Variants in ANKRD52 observed in about 807,000 individuals in gnomAD.
The protein encoded by ANKRD52 is ankyrin repeat domain 52.
A neutral mutation model predicts 116.0 loss-of-function variants in ANKRD52; 7 were observed. That is an observed-to-expected ratio of 0.06 (90% CI 0.03 to 0.11). ANKRD52 has a LOEUF of 0.11. ANKRD52 is among the 10% of genes least tolerant of loss of function. The pLI is 1.00. For missense variants in ANKRD52, 839 were observed against 1,408.6 expected, an observed-to-expected ratio of 0.60 and a Z score of 6.47; for synonymous variants, 528 against 578.1, an observed-to-expected ratio of 0.91 and a Z score of 1.24.
Position 56,257,818 on chromosome 12 carries a change from C to G in ANKRD52, c.111+10G>C. On this transcript the variant is annotated intron_variant, in intron 2 of 27. Transcript: ENST00000267116. Reference sequence around the variant, plus strand: ...TTCCGGTCTCGCCATCCTCCCTGCTCCCAACTCACCAGCACATTGATGTTC... The same window carrying G: ...TTCCGGTCTCGCCATCCTCCCTGCTGCCAACTCACCAGCACATTGATGTTC... 6.2e-7 allele frequency: 1 copy of G among 1,613,436 alleles called. No individual in the cohort carries two copies. The highest frequency in any genetic ancestry group is 8.5e-7 in the Non-Finnish European group (1 of 1,179,678).
At chr12:56,247,346 C>CAA (rs1007977970) in intron 20 of ANKRD52, 147 bp downstream of exon 20, 1,841 of 488,006 alleles carry the variant, frequency 3.8e-3, no homozygotes, top group Non-Finnish European at 3.9e-3. Context: ...GACCCTGTCT[C>CAA]AAAAAAAAAA....
In ANKRD52 at chr12:56,253,791, C is replaced by T. The variant is rs758551567; in HGVS notation, c.916G>A (p.Gly306Arg). 6.2e-7 allele frequency: 1 copy of T among 1,613,894 alleles called. No homozygotes were observed. The highest frequency in any genetic ancestry group is 8.5e-7 in the Non-Finnish European group (1 of 1,179,840). Residue 306 changes from glycine (G) to arginine (R), a missense_variant, in exon 9 of 28, where the codon GGG becomes AGG. Physicochemically the swap from Gly to Arg is moderately radical, Grantham distance 125. Transcript: ENST00000267116. This position sits in a 1 kb window ranked among gnomAD's most constrained non-coding sequence, Gnocchi z 5.5. ...GADVNYQSKE[G>R]KSPLHMAAIH... Reference sequence around the variant, plus strand: ...GCAGCCATGTGCAGAGGACTTTTCCCTTCTTTGCTCTGTGGAAACATGGTG... The same window carrying T: ...GCAGCCATGTGCAGAGGACTTTTCCTTTCTTTGCTCTGTGGAAACATGGTG...
At position 56,248,434 on chromosome 12, in the gene ANKRD52, T is replaced by C; in HGVS notation, c.1776+61A>G. On this transcript the variant is annotated intron_variant, in intron 17 of 27. Coordinates refer to ENST00000267116, the MANE Select transcript of ANKRD52 (RefSeq NM_173595.4). This position sits in a 1 kb window ranked among gnomAD's most constrained non-coding sequence, Gnocchi z 5.1. ...GATAACTTCACAAGTGCTGGCACCT[T>C]TGTTAGGGCCTGGGAACAGGTAGGA... 6.5e-7 allele frequency: 1 copy of C among 1,528,826 alleles called. No individual in the cohort carries two copies. The highest frequency in any genetic ancestry group is 1.4e-5 in the African/African-American group (1 of 72,722). The allele number at this position is 1,528,826 out of a possible 1,614,324, so 94.7% of individuals were successfully genotyped here. A position where few individuals can be genotyped will look rare whatever the true frequency, so the allele number is the denominator to read the frequency against.
intron 4 of ANKRD52, 143 bp from the exon 5 acceptor site, chr12:56,256,127 CT>C: frequency 2.5e-6 from 2 of 784,488 alleles, no homozygotes; most frequent in Non-Finnish European, 4.1e-6. Context: ...TACCTAGCCT[CT>C]GAATACCTAC....
chr12:56,245,595 G>A lies in ANKRD52; in HGVS notation c.2186C>T (p.Ala729Val). The part of the protein sequence containing the change: ...LRGRTALHRG[A>V]VTGCEDCLAA... ...CAGGCAGTCCTCACAGCCAGTCACT[G>A]CCTGTGAGTAACATGGGGGTGTGAG... The change falls in exon 21 of 28, where the codon GCA becomes GTA. Residue 729 changes from alanine to valine, a missense_variant and splice_region_variant. By Grantham distance (64) the Ala-to-Val change is moderately conservative. This residue lies in a region of ANKRD52 where 552 missense variants were observed against 810.6 expected (regional missense o/e 0.68). Coordinates refer to ENST00000267116, the MANE Select transcript of ANKRD52 (RefSeq NM_173595.4). The A allele has an allele frequency of 6.2e-7, 1 of 1,604,546 alleles. No individual in the cohort carries two copies. Among genetic ancestry groups the A allele is most frequent in the Non-Finnish European group, 8.5e-7 (1 of 1,177,780 alleles).
In ANKRD52 at chr12:56,242,942, G is replaced by A. The variant is rs1449435832; in HGVS notation, c.*200C>T. The stretch of plus-strand genomic sequence containing the variant: ...GCCCTGGGGGTACCAAGGGCCTGGG[G>A]TGCTCCCTGTCAGTCCCAGACCCCT... On this transcript the variant is annotated 3_prime_UTR_variant, in exon 28 of 28. Coordinates refer to ENST00000267116, the MANE Select transcript of ANKRD52 (RefSeq NM_173595.4). The surrounding 1 kb of genome is among the most constrained non-coding windows in gnomAD (Gnocchi z 4.3). 3 of 729,228 alleles carry A rather than the reference G, an allele frequency of 4.1e-6. No individual in the cohort carries two copies. Among genetic ancestry groups the A allele is most frequent in the Non-Finnish European group, 6.5e-6 (3 of 464,350 alleles). 45.2% of individuals were successfully genotyped at this position (729,228 alleles called of 1,614,324 possible).
rs1228817177 is a variant in ANKRD52, at chr12:56,254,563, G to C, written c.693+15C>G. ...GCTGCCCATAGTTCCCAACCCCAGA[G>C]CTCAAAGCCCTGACCTCCGCTCCCA... On this transcript the variant is annotated intron_variant, in intron 7 of 27. Transcript: ENST00000267116. The surrounding 1 kb of genome is among the most constrained non-coding windows in gnomAD (Gnocchi z 4.6). 4 of 1,612,258 alleles carry C rather than the reference G, an allele frequency of 2.5e-6. No homozygotes were observed. In the African/African-American group the frequency reaches 5.3e-5, roughly 22 times the overall value.
chr12:56,252,866 G>A lies in ANKRD52; in HGVS notation c.1215C>T (p.Ser405=). The change falls in exon 12 of 28, where the codon AGC becomes AGT. Residue 405 remains serine (S), a synonymous_variant. Coordinates refer to ENST00000267116, the MANE Select transcript of ANKRD52 (RefSeq NM_173595.4). This position sits in a 1 kb window ranked among gnomAD's most constrained non-coding sequence, Gnocchi z 4.7. ...ACCCAGCTGAAAGCACATGCTCATT[G>A]CTGAGTGAAGACACAATGCTGTACA... ...GQLYSIVSSL[S]NEHVLSAGFD... is the part of the protein sequence containing the mutation. 1.2e-6 allele frequency: 2 copies of A among 1,613,976 alleles called. No individual in the cohort carries two copies. The highest frequency in any genetic ancestry group is 2.2e-5 in the East Asian group (1 of 44,894).
Position 56,252,014 on chromosome 12 carries a change from CAAG to C in ANKRD52, c.1590_1592del (p.Phe531del), listed in dbSNP as rs1174070462. ...TCCCAGGGGCCCTCTCTGCTACTCA[CAAG>C]AAGGCCTCCTTCCTGCGGGACTCCT... On this transcript the variant is annotated inframe_deletion and splice_region_variant, in exon 15 of 28. Transcript: ENST00000267116. The surrounding 1 kb of genome is among the most constrained non-coding windows in gnomAD (Gnocchi z 4.7). 6.2e-7 allele frequency: 1 copy of C among 1,613,078 alleles called. No homozygotes were observed. The highest frequency in any genetic ancestry group is 8.5e-7 in the Non-Finnish European group (1 of 1,179,766).
chr12:56,253,661 T>C lies in ANKRD52; in HGVS notation c.985+61A>G. On this transcript the variant is annotated intron_variant, in intron 9 of 27. Coordinates refer to ENST00000267116, the MANE Select transcript of ANKRD52 (RefSeq NM_173595.4). This position sits in a 1 kb window ranked among gnomAD's most constrained non-coding sequence, Gnocchi z 5.5. Reference sequence around the variant, plus strand: ...AAGGAAGTTAGGAACCTCCCTAGATTCTAGAAATGAGTTCCTTGGGGGAGG... The same window carrying C: ...AAGGAAGTTAGGAACCTCCCTAGATCCTAGAAATGAGTTCCTTGGGGGAGG... 6.4e-7 allele frequency: 1 copy of C among 1,556,348 alleles called. No individual in the cohort carries two copies. Among genetic ancestry groups the C allele is most frequent in the South Asian group, 1.1e-5 (1 of 89,130 alleles).
At position 56,244,101 on chromosome 12, in the gene ANKRD52, T is replaced by G; in HGVS notation, c.2838A>C (p.Ala946=). ...TGATAAGGCCAAGGTCTTGGGTTTC[T>G]GCCAGGATCATGAGGGCACATTTCT... ...GHEKCALMIL[A]ETQDLGLINA... is the part of the protein sequence containing the mutation. Residue 946 remains alanine, a synonymous_variant, in exon 26 of 28, where the codon GCA becomes GCC. Coordinates refer to ENST00000267116, the MANE Select transcript of ANKRD52 (RefSeq NM_173595.4). The surrounding 1 kb of genome is among the most constrained non-coding windows in gnomAD (Gnocchi z 4.9). The G allele has an allele frequency of 6.2e-7, 1 of 1,613,994 alleles. No homozygotes were observed. The highest frequency in any genetic ancestry group is 8.5e-7 in the Non-Finnish European group (1 of 1,179,892).
In ANKRD52 at chr12:56,243,813, C is replaced by T; in HGVS notation, c.2952G>A (p.Gly984=). The change falls in exon 27 of 28, where the codon GGG becomes GGA. Residue 984 remains glycine, a synonymous_variant. Transcript: ENST00000267116. This position sits in a 1 kb window ranked among gnomAD's most constrained non-coding sequence, Gnocchi z 4.6. ...CTTCATCCACAGCCAGCACTGTGGC[C>T]CCATGACTCAGCAGGGCCTGTACCA... ...ASVVQALLSH[G]ATVLAVDEEG... 1 of 1,562,792 alleles carries T rather than the reference C, an allele frequency of 6.4e-7. No individual in the cohort carries two copies. Among genetic ancestry groups the T allele is most frequent in the Non-Finnish European group, 8.7e-7 (1 of 1,153,300 alleles).
chr12:56,257,377 A>G lies in ANKRD52; in HGVS notation c.112-16T>C. 1 of 1,574,190 alleles carries G rather than the reference A, an allele frequency of 6.4e-7. No individual in the cohort carries two copies. The highest frequency in any genetic ancestry group is 8.6e-7 in the Non-Finnish European group (1 of 1,159,466). ...TCTCTTGGTCCTGGGAAGGCAAAAAAGAGCAGGGAGTATGGGCGCGGGGTA... is the reference window on the plus strand; with the variant it reads ...TCTCTTGGTCCTGGGAAGGCAAAAAGGAGCAGGGAGTATGGGCGCGGGGTA... On this transcript the variant is annotated splice_polypyrimidine_tract_variant and intron_variant, in intron 2 of 27. Coordinates refer to ENST00000267116, the MANE Select transcript of ANKRD52 (RefSeq NM_173595.4).
rs769029382 is a variant in ANKRD52, at chr12:56,238,507, G to C, written c.*4635C>G. On this transcript the variant is annotated 3_prime_UTR_variant, in exon 28 of 28. Transcript: ENST00000267116. ...CTCCCCTGTCTTGCTGTCCCCCGCA[G>C]GGGAACTATATTGCTTTGAGAGAGC... 6.6e-6 allele frequency: 1 copy of C among 151,782 alleles called. No individual in the cohort carries two copies. The highest frequency in any genetic ancestry group is 1.5e-5 in the Non-Finnish European group (1 of 68,002). 9.4% of individuals were successfully genotyped at this position (151,782 alleles called of 1,614,324 possible).
Position 56,252,426 on chromosome 12 carries a change from T to A in ANKRD52, c.1370+76A>T. Reference sequence around the variant, plus strand: ...ACATTCTCCTTATTTAAGTCTCCAATCTAAACCCTTCCTCCCTCTACCATT... The same window carrying A: ...ACATTCTCCTTATTTAAGTCTCCAAACTAAACCCTTCCTCCCTCTACCATT... On this transcript the variant is annotated intron_variant, in intron 13 of 27. Transcript: ENST00000267116. The surrounding 1 kb of genome is among the most constrained non-coding windows in gnomAD (Gnocchi z 4.7). 6.3e-7 allele frequency: 1 copy of A among 1,594,072 alleles called. No individual in the cohort carries two copies.
rs969000614 is a variant in ANKRD52, at chr12:56,240,838, C to T, written c.*2304G>A. ...GGGCGCAGACAGCCCCCAGAAATCT[C>T]ATCTAGCAAGACAACGGGGCTCTGA... is the stretch of plus-strand genomic sequence containing the variant. On this transcript the variant is annotated 3_prime_UTR_variant, in exon 28 of 28. Transcript: ENST00000267116. The surrounding 1 kb of genome is among the most constrained non-coding windows in gnomAD (Gnocchi z 4.2). 3 of 152,274 alleles carry T rather than the reference C, an allele frequency of 2.0e-5. No individual in the cohort carries two copies. The highest frequency in any genetic ancestry group is 4.4e-5 in the Non-Finnish European group (3 of 68,090). 9.4% of individuals were successfully genotyped at this position (152,274 alleles called of 1,614,324 possible).
chr12:56,250,222 T>A (rs2463366), intron 15 of ANKRD52, among the ~76,000 whole-genome samples: 132,491 of 151,286 alleles, frequency 0.88, 60,476 homozygotes, highest in Non-Finnish European at 0.99. Context: ...TTAATTAATT[T>A]ATTTATTTAT....
Position 56,240,922 on chromosome 12 carries a change from G to C in ANKRD52, c.*2220C>G, listed in dbSNP as rs919594228. The C allele has an allele frequency of 6.6e-6, 1 of 152,132 alleles. No individual in the cohort carries two copies. The highest frequency in any genetic ancestry group is 1.5e-5 in the Non-Finnish European group (1 of 68,036). The allele number at this position is 152,132 out of a possible 1,614,324, so 9.4% of individuals were successfully genotyped here. A position where few individuals can be genotyped will look rare whatever the true frequency, so the allele number is the denominator to read the frequency against. On this transcript the variant is annotated 3_prime_UTR_variant, in exon 28 of 28. Coordinates refer to ENST00000267116, the MANE Select transcript of ANKRD52 (RefSeq NM_173595.4). The surrounding 1 kb of genome is among the most constrained non-coding windows in gnomAD (Gnocchi z 4.2). ...CGAAAGGAGAACACGACTCACACCC[G>C]GCAAGTTCTCTCTGGAGGACCCATC...
chr12:56,258,030 A>T, intron 1 of ANKRD52, 119 bp from the exon 2 acceptor site: 1 of 1,299,596 alleles, frequency 7.7e-7, no homozygotes, highest in Non-Finnish European at 1.1e-6. Flanking sequence ...GCTCCACTCT[A>T]GGGATTCTGG....
Sources: allele counts gnomAD v4.1 joint callset (sites outside exome capture counted in the v4.1 genomes callset), GRCh38; gene constraint gnomAD v4.1.1; regional missense constraint gnomAD v4.1.1; non-coding constraint Gnocchi (gnomAD v3.1); transcripts MANE v1.5; gene names NCBI Gene and HGNC (gene_info 2026-07-23, HGNC 2026-07-21).